OTOF: variants seen among roughly 807,000 people sequenced by gnomAD.
OTOF encodes the protein otoferlin.
OTOF carries 218 observed loss-of-function variants against 236.8 expected under a neutral mutation model. The ratio of observed to expected loss-of-function variants is 0.92; its 90% CI spans 0.82 to 1.03. OTOF has a LOEUF of 1.03. Among genes scored for constraint, OTOF ranks in the 50% least tolerant of loss-of-function variants. The pLI is 0.00. For missense variants in OTOF, 2,590 were observed against 2,694.4 expected (o/e 0.96, Z 0.86); for synonymous variants, 1,041 against 1,072.5 (o/e 0.97, Z 0.57).
chr2:26,470,761 C>A lies in OTOF; in HGVS notation c.3895-40G>T. 6.2e-7 allele frequency: 1 copy of A among 1,605,482 alleles called. No individual in the cohort carries two copies. The highest frequency in any genetic ancestry group is 8.5e-7 in the Non-Finnish European group (1 of 1,178,226). ...GGTCCAGAGTCCTACATGGACTCCT[C>A]CTGCCTGGACAATCCCGAGAGCCTC... On this transcript the variant is annotated intron_variant, in intron 31 of 46. Transcript: ENST00000272371. This position sits in a 1 kb window ranked among gnomAD's most constrained non-coding sequence, Gnocchi z 4.3.
chr2:26,474,211 C>T, intron 26 of OTOF, 101 bp from the exon 27 acceptor site: 1 of 1,499,208 alleles, frequency 6.7e-7, no homozygotes, highest in Non-Finnish European at 9.2e-7. Context: ...GGGAAACCCC[C>T]TAAGGACCAC....
Position 26,461,656 on chromosome 2 carries a change from GT to G in OTOF, c.5533+39del, listed in dbSNP as rs1664468255. 6.2e-7 allele frequency: 1 copy of G among 1,611,628 alleles called. No homozygotes were observed. The highest frequency in any genetic ancestry group is 1.7e-5 in the Admixed American group (1 of 60,010). On this transcript the variant is annotated intron_variant, in intron 43 of 46. Transcript: ENST00000272371. The surrounding 1 kb of genome is among the most constrained non-coding windows in gnomAD (Gnocchi z 6.2). ...CCAACCCGGCCCCTGCCTCTTCTCA[GT>G]TCTGGATCCTGAACCCCCATCCCTG...
Position 26,461,754 on chromosome 2 carries a change from G to A in OTOF, c.5475C>T (p.Pro1825=), listed in dbSNP as rs760178516. The A allele has an allele frequency of 8.7e-6, 14 of 1,614,068 alleles. No individual in the cohort carries two copies. Among genetic ancestry groups the A allele is most frequent in the Middle Eastern group, 1.6e-4 (1 of 6,084 alleles). Residue 1825 remains proline, a synonymous_variant, in exon 43 of 47, where the codon CCC becomes CCT. Coordinates refer to ENST00000272371, the MANE Select transcript of OTOF (RefSeq NM_194248.3). This position sits in a 1 kb window ranked among gnomAD's most constrained non-coding sequence, Gnocchi z 6.2. ...FSWDETEYKI[P]ARLTLQIWDA... is the part of the protein sequence containing the mutation. ...CCCAGATCTGCAGGGTGAGCCGCGC[G>A]GGGATCTTGTACTCGGTCTCGTCCC...
intron 3 of OTOF, among the ~76,000 whole-genome samples, chr2:26,519,841 G>T (rs1032935247): frequency 6.6e-6 from 1 of 152,206 alleles, no homozygotes; most frequent in Non-Finnish European, 1.5e-5. Flanking sequence ...ATCTGCGAGT[G>T]TTCTTGTCAA....
In OTOF at chr2:26,475,919, T is replaced by G. The variant is rs747462303; in HGVS notation, c.2986A>C (p.Thr996Pro). 1.2e-6 allele frequency: 2 copies of G among 1,606,880 alleles called. No homozygotes were observed. The highest frequency in any genetic ancestry group is 3.4e-5 in the Admixed American group (2 of 59,326). Residue 996 changes from threonine to proline, a missense_variant, in exon 24 of 47, where the codon ACA becomes CCA. Coordinates refer to ENST00000272371, the MANE Select transcript of OTOF (RefSeq NM_194248.3). The stretch of plus-strand genomic sequence containing the variant: ...CCCTCCTCCCAGGCCCTCACCTCTG[T>G]GCACTGACTCTGATTGATGAAGAAG... ...RVFFINQSQC[T>P]EVLNETLCPT...
intron 5 of OTOF, among the ~76,000 whole-genome samples, chr2:26,514,836 T>C (rs1666480484): frequency 1.3e-5 from 2 of 152,220 alleles, no homozygotes; most frequent in African/African-American, 2.4e-5. Context: ...TCTTGTTCTC[T>C]GGAAGCTCTT....
intron 30 of OTOF, 102 bp from the exon 31 acceptor site, chr2:26,471,252 T>C: frequency 1.5e-6 from 2 of 1,361,042 alleles, no homozygotes; most frequent in Non-Finnish European, 2.1e-6. Context: ...AGATGGAAAT[T>C]ACTGTGTGCT....
At chr2:26,472,764 G>T (rs1319624611) in intron 29 of OTOF, 115 bp from the exon 30 acceptor site, 2 of 1,064,912 alleles carry the variant, frequency 1.9e-6, no homozygotes. Context: ...TTCTGAGGGA[G>T]AGGGGGACAG....
chr2:26,516,608 A>T lies in OTOF; in HGVS notation c.328-9T>A, dbSNP rs1281491944. Reference sequence around the variant, plus strand: ...TCCACGCACAGGCTGGTCTGAAGGGAGGGAGGCGGTGGTGAGCAGCTGGGA... The same window carrying T: ...TCCACGCACAGGCTGGTCTGAAGGGTGGGAGGCGGTGGTGAGCAGCTGGGA... On this transcript the variant is annotated splice_polypyrimidine_tract_variant and intron_variant, in intron 4 of 46. Transcript: ENST00000272371. 6.2e-7 allele frequency: 1 copy of T among 1,602,778 alleles called. No individual in the cohort carries two copies. Among genetic ancestry groups the T allele is most frequent in the East Asian group, 2.2e-5 (1 of 44,892 alleles).
chr2:26,523,577 G>C (rs1174822007), intron 3 of OTOF, among the ~76,000 whole-genome samples: 1 of 152,172 alleles, frequency 6.6e-6, no homozygotes, highest in Non-Finnish European at 1.5e-5. Context: ...TCACCCTTGA[G>C]TGCCCTGAGT....
intron 5 of OTOF, among the ~76,000 whole-genome samples, chr2:26,515,896 C>G (rs1229808373): frequency 6.6e-6 from 1 of 152,346 alleles, no homozygotes; most frequent in African/African-American, 2.4e-5. Context: ...CAGGGCGTGA[C>G]GCTGGATTCT....
intron 16 of OTOF, 38 bp from the exon 17 acceptor site, chr2:26,479,691 C>T (rs754675378): frequency 7.6e-6 from 12 of 1,588,130 alleles, no homozygotes; most frequent in Non-Finnish European, 9.5e-6. Flanking sequence ...AGAGTGCATT[C>T]CCCACCAGGC....
In OTOF at chr2:26,473,602, A is replaced by G; in HGVS notation, c.3409-35T>C. 3 of 1,572,846 alleles carry G rather than the reference A, an allele frequency of 1.9e-6. No individual in the cohort carries two copies. The highest frequency in any genetic ancestry group is 2.6e-6 in the Non-Finnish European group (3 of 1,164,202). ...GTTGGAGGGTGGGTGCAGAGAAGAGAGCCCCTTAGTCAAGGGAGCCAGCCA... is the reference window on the plus strand; with the variant it reads ...GTTGGAGGGTGGGTGCAGAGAAGAGGGCCCCTTAGTCAAGGGAGCCAGCCA... On this transcript the variant is annotated intron_variant, in intron 27 of 46. Coordinates refer to ENST00000272371, the MANE Select transcript of OTOF (RefSeq NM_194248.3). The surrounding 1 kb of genome is among the most constrained non-coding windows in gnomAD (Gnocchi z 7.2).
intron 1 of OTOF, among the ~76,000 whole-genome samples, chr2:26,550,690 C>T (rs1252222538): frequency 6.6e-6 from 1 of 152,192 alleles, no homozygotes; most frequent in African/African-American, 2.4e-5. Flanking sequence ...ACTCACTCCC[C>T]TGATCCCAGC....
intron 2 of OTOF, among the ~76,000 whole-genome samples, chr2:26,531,706 T>C (rs1666952438): frequency 6.6e-6 from 1 of 152,170 alleles, no homozygotes; most frequent in African/African-American, 2.4e-5. Flanking sequence ...TGGGGTGATA[T>C]GCTGAGAACA....
chr2:26,460,316 C>T lies in OTOF; in HGVS notation c.5814-111G>A. 2.3e-6 allele frequency: 2 copies of T among 888,776 alleles called. No homozygotes were observed. Among genetic ancestry groups the T allele is most frequent in the Non-Finnish European group, 3.6e-6 (2 of 554,882 alleles). 55.1% of individuals were successfully genotyped at this position (888,776 alleles called of 1,614,324 possible). On this transcript the variant is annotated intron_variant, in intron 45 of 46. Transcript: ENST00000272371. This position sits in a 1 kb window ranked among gnomAD's most constrained non-coding sequence, Gnocchi z 5.3. ...GCTGTCCTGGGCTGTGTGTGCAGTTCTAGGCACCCCTCTGGCCATCAAGGC... is the reference window on the plus strand; with the variant it reads ...GCTGTCCTGGGCTGTGTGTGCAGTTTTAGGCACCCCTCTGGCCATCAAGGC...
At chr2:26,475,831 G>A in intron 24 of OTOF, 83 bp downstream of exon 24, 2 of 1,512,488 alleles carry the variant, frequency 1.3e-6, no homozygotes, top group Non-Finnish European at 1.8e-6. Context: ...AGGCTCACAG[G>A]CCCCACAGGC....
chr2:26,465,498 G>A lies in OTOF; in HGVS notation c.4799+174C>T, dbSNP rs545164685. 9.3e-4 allele frequency among the ~76,000 whole-genome samples: 142 copies of A among 152,304 alleles called. 1 individual carries two copies. Among genetic ancestry groups the A allele is most frequent in the Non-Finnish European group, 1.6e-3 (108 of 68,022 alleles). ...ATCCACTGTCCCTCTCCTTGTTTTG[G>A]GATCTGCAGTCCTGTCCCCTGAAGA... On this transcript the variant is annotated intron_variant, in intron 38 of 46. Transcript: ENST00000272371.
At chr2:26,535,679 C>G (rs1468371255) in intron 2 of OTOF, among the ~76,000 whole-genome samples, 1 of 152,174 alleles carries the variant, frequency 6.6e-6, no homozygotes, top group East Asian at 1.9e-4. Flanking sequence ...CTGGCTACCC[C>G]ATCCCTAAGC....
Sources: gnomAD v4.1 joint callset for allele counts (sites outside exome capture counted in the v4.1 genomes callset) on GRCh38, gnomAD v4.1.1 for gene constraint, Gnocchi (gnomAD v3.1) non-coding constraint, MANE v1.5 for transcripts, NCBI Gene and HGNC (gene_info 2026-07-23, HGNC 2026-07-21) for gene names.